ODAD2: variants seen among roughly 807,000 people sequenced by gnomAD.
ODAD2 encodes outer dynein arm-docking complex subunit 2.
Under a neutral mutation model 106.8 loss-of-function variants are expected in ODAD2, and 89 were observed. The observed-to-expected ratio is 0.83, with a 90% confidence interval of 0.70 to 0.99. The LOEUF is 0.99. ODAD2 is among the 50% of genes least tolerant of loss of function. ODAD2 has a pLI of 0.00. For missense variants in ODAD2, 1,168 were observed against 1,238.5 expected, an observed-to-expected ratio of 0.94 and a Z score of 0.85; for synonymous variants, 404 against 436.2, an observed-to-expected ratio of 0.93 and a Z score of 0.92.
intron 17 of ODAD2, among the ~76,000 whole-genome samples, chr10:27,891,650 T>C (rs1056863765): frequency 6.6e-6 from 1 of 151,626 alleles, no homozygotes; most frequent in African/African-American, 2.4e-5. Flanking sequence ...AAAATGCAAA[T>C]ATAGTTGAAC....
At chr10:27,886,306 A>G (rs1842216545) in intron 17 of ODAD2, among the ~76,000 whole-genome samples, 1 of 152,110 alleles carries the variant, frequency 6.6e-6, no homozygotes, top group East Asian at 1.9e-4. Flanking sequence ...AGGGATCTCA[A>G]CAATATACAT....
intron 19 of ODAD2, among the ~76,000 whole-genome samples, chr10:27,849,106 T>C (rs1015859455): frequency 6.6e-6 from 1 of 152,258 alleles, no homozygotes; most frequent in Non-Finnish European, 1.5e-5. Context: ...TGCACACGTA[T>C]GTTTACTGCG....
chr10:27,922,131 G>C (rs1844835171), intron 16 of ODAD2, among the ~76,000 whole-genome samples: 1 of 140,732 alleles, frequency 7.1e-6, no homozygotes, highest in Non-Finnish European at 1.5e-5. Flanking sequence ...TCCAACCTGG[G>C]TGACAGAGTG....
At chr10:27,971,826 A>G (rs533973357) in intron 7 of ODAD2, among the ~76,000 whole-genome samples, 35 of 152,318 alleles carry the variant, frequency 2.3e-4, no homozygotes, top group African/African-American at 6.7e-4. Flanking sequence ...CTAAGAATAA[A>G]ACAAAAATCT....
intron 10 of ODAD2, among the ~76,000 whole-genome samples, chr10:27,948,852 T>C (rs1372737673): frequency 6.9e-6 from 1 of 145,128 alleles, no homozygotes; most frequent in African/African-American, 2.5e-5. Flanking sequence ...TTGACATTCC[T>C]TCTGATGACC....
chr10:27,885,039 C>T (rs888844307), intron 17 of ODAD2, among the ~76,000 whole-genome samples: 1 of 151,990 alleles, frequency 6.6e-6, no homozygotes, highest in African/African-American at 2.4e-5. Context: ...AACAGGAAAG[C>T]ATGGCTTATG....
intron 10 of ODAD2, among the ~76,000 whole-genome samples, chr10:27,947,130 C>T (rs1265058332): frequency 3.9e-5 from 6 of 152,034 alleles, no homozygotes; most frequent in South Asian, 2.1e-4. Flanking sequence ...GAAAAGTTAC[C>T]GCCACCAATA....
At chr10:27,887,160 C>T (rs1290152852) in intron 17 of ODAD2, among the ~76,000 whole-genome samples, 1 of 151,942 alleles carries the variant, frequency 6.6e-6, no homozygotes, top group African/African-American at 2.4e-5. Context: ...GAAAGTCAAA[C>T]GTTGAAATAG....
rs1416241674 is a variant in ODAD2 at position 27,987,463 on chromosome 10, C to T, written c.305G>A (p.Arg102Lys). The T allele has an allele frequency of 1.2e-6, 2 of 1,613,840 alleles. No homozygotes were observed. Among genetic ancestry groups the T allele is most frequent in the Admixed American group, 1.7e-5 (1 of 60,004 alleles). ...CAAGCGTGACAGCTGCCCAAAGCTC[C>T]TAATTTTAATTTGTGGTACAGAGAG... is the stretch of plus-strand genomic sequence containing the variant. ...LFLSVPQIKI[R>K]SFGQLSRLLL... The change falls in exon 3 of 20, where the codon AGG becomes AAG. Residue 102 changes from arginine (R) to lysine (K), a missense_variant. Physicochemically the swap from Arg to Lys is conservative, Grantham distance 26 (BLOSUM62 2). Coordinates refer to ENST00000305242, the MANE Select transcript of ODAD2 (RefSeq NM_018076.5).
chr10:27,838,054 C>A (rs1318434439), intron 19 of ODAD2, among the ~76,000 whole-genome samples: 1 of 151,730 alleles, frequency 6.6e-6, no homozygotes, highest in Non-Finnish European at 1.5e-5. Flanking sequence ...ATGGATTAAT[C>A]CTGAAGAAAC....
At chr10:27,984,895 T>C (rs1849776930) in intron 4 of ODAD2, 124 bp downstream of exon 4, 2 of 430,794 alleles carry the variant, frequency 4.6e-6, no homozygotes, top group Admixed American at 8.8e-5. Flanking sequence ...ATTTTAATTG[T>C]AATATTTTAT....
intron 17 of ODAD2, among the ~76,000 whole-genome samples, chr10:27,876,006 C>G (rs1564455139): frequency 6.6e-6 from 1 of 152,184 alleles, no homozygotes; most frequent in Admixed American, 6.5e-5. Flanking sequence ...GGAGGGGCAC[C>G]CGCCATTGCT....
At chr10:27,920,741 T>C (rs1012318629) in intron 16 of ODAD2, among the ~76,000 whole-genome samples, 11 of 152,206 alleles carry the variant, frequency 7.2e-5, no homozygotes, top group African/African-American at 2.7e-4. Flanking sequence ...AGACTTGTTC[T>C]GTGGCAAAAG....
chr10:27,844,551 C>T (rs1028687773), intron 19 of ODAD2, among the ~76,000 whole-genome samples: 1 of 152,190 alleles, frequency 6.6e-6, no homozygotes, highest in Non-Finnish European at 1.5e-5. Flanking sequence ...AACCCACGCT[C>T]CTTGAGTCCT....
Position 27,831,587 on chromosome 10 carries a change from A to T in ODAD2, c.3022-18962T>A, listed in dbSNP as rs143064950. The stretch of plus-strand genomic sequence containing the variant: ...TTAAGCAACTTGCCCAAAGTTGCAG[A>T]TCTTGGCAAAGTCAGGATTTGAACC... On this transcript the variant is annotated intron_variant, in intron 19 of 19. Transcript: ENST00000305242. 2.8e-4 allele frequency among the ~76,000 whole-genome samples: 43 copies of T among 152,370 alleles called. 1 individual carries two copies. The highest frequency in any genetic ancestry group is 1.7e-3 in the East Asian group (9 of 5,184).
At chr10:27,861,649 A>C (rs866540748) in intron 18 of ODAD2, among the ~76,000 whole-genome samples, 7 of 152,194 alleles carry the variant, frequency 4.6e-5, no homozygotes, top group Non-Finnish European at 7.3e-5. Context: ...AAATCCGAAG[A>C]CACATTTTGG....
chr10:27,996,507 T>C (rs1039884736), intron 1 of ODAD2, among the ~76,000 whole-genome samples: 4 of 152,142 alleles, frequency 2.6e-5, no homozygotes, highest in African/African-American at 9.7e-5. Context: ...AAATATCCTG[T>C]GCAGGATAGT....
chr10:27,882,189 G>GAA (rs1841769770), intron 17 of ODAD2, among the ~76,000 whole-genome samples: 2 of 148,108 alleles, frequency 1.4e-5, no homozygotes, highest in East Asian at 4.0e-4. Context: ...AAGAAAGAAA[G>GAA]AAAGAAAGAA....
chr10:27,824,251 T>C (rs1021873179), intron 19 of ODAD2, among the ~76,000 whole-genome samples: 3 of 152,102 alleles, frequency 2.0e-5, no homozygotes, highest in Admixed American at 2.0e-4. Context: ...TGCTATGGAT[T>C]GAATTTTGTC....
Sources: allele counts gnomAD v4.1 joint callset (sites outside exome capture counted in the v4.1 genomes callset), GRCh38; gene constraint gnomAD v4.1.1; transcripts MANE v1.5; gene names NCBI Gene and HGNC (gene_info 2026-07-23, HGNC 2026-07-21).